The following LPP variants were observed in gnomAD, a reference collection of about 807,000 sequenced individuals.
LPP encodes the protein lipoma-preferred partner.
LPP carries 38 observed loss-of-function variants against 60.4 expected under a neutral mutation model. The observed-to-expected ratio is 0.63, with a 90% CI of 0.49 to 0.83. LPP has a LOEUF of 0.83. Ranked by LOEUF, LPP falls within the 40% of genes least tolerant of loss-of-function variation. The pLI is 0.00. For missense variants in LPP, 902 were observed against 783.6 expected (o/e 1.15, Z -1.80); for synonymous variants, 328 against 290.8 (o/e 1.13, Z -1.30).
intron 6 of LPP, among the ~76,000 whole-genome samples, chr3:188,550,186 C>G (rs752170469): frequency 2.6e-5 from 4 of 152,108 alleles, no homozygotes; most frequent in South Asian, 2.1e-4. Context: ...AACAAAACCC[C>G]TCTGTGAGAA....
intron 6 of LPP, among the ~76,000 whole-genome samples, chr3:188,538,909 A>G (rs1410026492): frequency 2.0e-5 from 3 of 152,190 alleles, no homozygotes; most frequent in Non-Finnish European, 4.4e-5. Context: ...ACATTATGCT[A>G]TACGAAAGAA....
At chr3:188,379,045 C>T (rs73050738) in intron 3 of LPP, among the ~76,000 whole-genome samples, 1,701 of 151,954 alleles carry the variant, frequency 0.011, 29 homozygotes, top group African/African-American at 0.037. Context: ...GGGCTGAAGT[C>T]CTGCCCTCCC....
intron 1 of LPP, among the ~76,000 whole-genome samples, chr3:188,178,224 A>G (rs896462548): frequency 1.3e-5 from 2 of 152,126 alleles, no homozygotes; most frequent in African/African-American, 4.8e-5. Flanking sequence ...CAGGTTGGGA[A>G]TTCTGGCCCC....
intron 9 of LPP, among the ~76,000 whole-genome samples, chr3:188,835,527 G>A (rs1360745609): frequency 6.6e-6 from 1 of 151,980 alleles, no homozygotes; most frequent in African/African-American, 2.4e-5. Flanking sequence ...GCGGAGGCAG[G>A]AGAATCACTC....
intron 5 of LPP, among the ~76,000 whole-genome samples, chr3:188,512,558 T>TAAAATAA (rs1553917931): frequency 2.1e-5 from 3 of 140,656 alleles, no homozygotes; most frequent in African/African-American, 8.0e-5. Flanking sequence ...AAACCCGGTC[T>TAAAATAA]ATAAATAAAT....
At chr3:188,551,932 T>C (rs1329730925) in intron 6 of LPP, among the ~76,000 whole-genome samples, 1 of 152,216 alleles carries the variant, frequency 6.6e-6, no homozygotes, top group Admixed American at 6.5e-5. Flanking sequence ...TAGAATGATG[T>C]GATGCCATCT....
chr3:188,487,268 T>C (rs1187565541), intron 5 of LPP, among the ~76,000 whole-genome samples: 2 of 152,220 alleles, frequency 1.3e-5, no homozygotes, highest in South Asian at 4.1e-4. Flanking sequence ...GAAAGGGCTA[T>C]ACAAATATTT....
intron 4 of LPP, among the ~76,000 whole-genome samples, chr3:188,462,544 TTATATATATATATATATATATATATATA>T (rs71167102): frequency 1.2e-4 from 4 of 34,190 alleles, no homozygotes; most frequent in East Asian, 1.3e-3. Context: ...TATATGAGCT[TTATATATATATATATATATATATATATA>T]TATATATATA....
chr3:188,304,777 T>C (rs1454136492), intron 2 of LPP, among the ~76,000 whole-genome samples: 2 of 152,210 alleles, frequency 1.3e-5, no homozygotes, highest in East Asian at 3.8e-4. Flanking sequence ...AAAGTCAAGC[T>C]CTTCCAGAAT....
At chr3:188,758,346 A>T (rs1731064664) in intron 8 of LPP, among the ~76,000 whole-genome samples, 1 of 152,084 alleles carries the variant, frequency 6.6e-6, no homozygotes, top group Non-Finnish European at 1.5e-5. Flanking sequence ...TTTTTCATAG[A>T]GATGGGGTTT....
chr3:188,179,778 A>C (rs975038607), intron 1 of LPP: 14 of 314,306 alleles, frequency 4.5e-5, no homozygotes, highest in African/African-American at 2.4e-4. Flanking sequence ...TCTCCCCCTG[A>C]GTGAGCCTTT....
chr3:188,351,716 G>A (rs141855679), intron 3 of LPP, among the ~76,000 whole-genome samples: 109 of 152,288 alleles, frequency 7.2e-4, no homozygotes, highest in East Asian at 4.4e-3. Context: ...AAAGGCACTC[G>A]GTAGTGGATA....
At chr3:188,770,872 A>G (rs1223380464) in intron 9 of LPP, among the ~76,000 whole-genome samples, 1 of 152,204 alleles carries the variant, frequency 6.6e-6, no homozygotes, top group East Asian at 1.9e-4. Flanking sequence ...CACACTTAGA[A>G]TGAAAACAAA....
In LPP at chr3:188,361,619, T is replaced by G. The variant is rs564068165; in HGVS notation, c.-10+19900T>G. Among the ~76,000 whole-genome samples, 4 of 147,518 alleles carry G rather than the reference T, an allele frequency of 2.7e-5. No homozygotes were observed. In the East Asian group the frequency reaches 8.6e-4, roughly 32 times the overall value. ...TCTCGCTCTGTTGCTCAGGCTACAGTGCAGTGGCACAATCTCGGCTCACTG... is the reference window on the plus strand; with the variant it reads ...TCTCGCTCTGTTGCTCAGGCTACAGGGCAGTGGCACAATCTCGGCTCACTG... On this transcript the variant is annotated intron_variant, in intron 3 of 11. Transcript: ENST00000617246.
chr3:188,821,467 T>C (rs1460270968), intron 9 of LPP, among the ~76,000 whole-genome samples: 3 of 151,646 alleles, frequency 2.0e-5, no homozygotes, highest in Non-Finnish European at 4.4e-5. Context: ...GAAACACATT[T>C]CCAAAAGGAT....
intron 8 of LPP, among the ~76,000 whole-genome samples, chr3:188,725,710 A>G (rs1718130491): frequency 6.6e-6 from 1 of 152,214 alleles, no homozygotes; most frequent in Non-Finnish European, 1.5e-5. Flanking sequence ...ACATTAGTCC[A>G]CAAAATATAG....
intron 5 of LPP, among the ~76,000 whole-genome samples, chr3:188,490,723 T>C (rs1002204476): frequency 2.0e-5 from 3 of 151,098 alleles, no homozygotes; most frequent in African/African-American, 4.9e-5. Context: ...TGAAAATCAA[T>C]TCAAGTTTTA....
At chr3:188,353,751 G>A (rs1766660519) in intron 3 of LPP, among the ~76,000 whole-genome samples, 1 of 152,110 alleles carries the variant, frequency 6.6e-6, no homozygotes, top group Non-Finnish European at 1.5e-5. Context: ...TTATGCTTTG[G>A]GTAACACTTT....
chr3:188,363,566 T>C (rs1429859670), intron 3 of LPP, among the ~76,000 whole-genome samples: 5 of 152,078 alleles, frequency 3.3e-5, no homozygotes. Flanking sequence ...GCTCTTTACG[T>C]CTTTGGTCTC....
Sources: allele counts gnomAD v4.1 joint callset (sites outside exome capture counted in the v4.1 genomes callset), GRCh38; gene constraint gnomAD v4.1.1; transcripts MANE v1.5; gene names NCBI Gene and HGNC (gene_info 2026-07-23, HGNC 2026-07-21).